Variants in MTSS2 observed in about 807,000 individuals in gnomAD.
MTSS2 encodes protein MTSS 2.
Under a neutral mutation model 67.1 loss-of-function variants are expected in MTSS2, and 27 were observed. That is an observed-to-expected ratio of 0.40 (90% confidence interval 0.30 to 0.55). The LOEUF is 0.55. Among genes scored for constraint, MTSS2 ranks in the 20% least tolerant of loss-of-function variants. The probability of loss-of-function intolerance (pLI) is 0.43; values close to 1 mark genes in which losing one functional copy is unlikely to be tolerated. For missense variants in MTSS2, 1,171 were observed against 1,067.8 expected, an observed-to-expected ratio of 1.10 and a Z score of -1.35; for synonymous variants, 624 against 468.6, an observed-to-expected ratio of 1.33 and a Z score of -4.28.
chr16:70,679,023 C>T lies in MTSS2; in HGVS notation c.466+292G>A, dbSNP rs78537221. ...CAGGTGAGGAGGTGACAAGTAAGGA[C>T]GCAGGCCAGCCTGGTGGGGGCGGGG... On this transcript the variant is annotated intron_variant, in intron 7 of 14. Coordinates refer to ENST00000338779, the MANE Select transcript of MTSS2 (RefSeq NM_138383.3). 2.4e-4 allele frequency among the ~76,000 whole-genome samples: 36 copies of T among 152,252 alleles called. No homozygotes were observed. The East Asian group carries it at 6.8e-3, about 29-fold the overall frequency.
At position 70,661,549 on chromosome 16, in the gene MTSS2, C is replaced by A. The variant is rs2052471021; in HGVS notation, c.*2128G>T. Reference sequence around the variant, plus strand: ...ATGAGAAATTAAACGAACGTAAAGTCCCCCAAACCAAAGTTTGTGATGTGG... The same window carrying A: ...ATGAGAAATTAAACGAACGTAAAGTACCCCAAACCAAAGTTTGTGATGTGG... On this transcript the variant is annotated 3_prime_UTR_variant, in exon 15 of 15. Transcript: ENST00000338779. The A allele has an allele frequency of 2.8e-6, 1 of 351,562 alleles. No individual in the cohort carries two copies. The highest frequency in any genetic ancestry group is 5.6e-6 in the Non-Finnish European group (1 of 178,548). 21.8% of individuals were successfully genotyped at this position (351,562 alleles called of 1,614,324 possible).
At position 70,685,872 on chromosome 16, in the gene MTSS2, G is replaced by T. The variant is rs556275712; in HGVS notation, c.-81C>A. ...CGCAAGGGAGGGGGCCAGGCCGCGC[G>T]GGCGCTCGCTCCGAGGCCGGGCCGG... is the stretch of plus-strand genomic sequence containing the variant. On this transcript the variant is annotated 5_prime_UTR_variant, in exon 1 of 15. Transcript: ENST00000338779. The T allele has an allele frequency of 3.8e-3, 3,085 of 819,018 alleles. 9 individuals are homozygous for T. Among genetic ancestry groups the T allele is most frequent in the Non-Finnish European group, 4.0e-3 (2,712 of 670,696 alleles). The allele number at this position is 819,018 out of a possible 1,614,324, so 50.7% of individuals were successfully genotyped here. A position where few individuals can be genotyped will look rare whatever the true frequency, so the allele number is the denominator to read the frequency against.
Position 70,678,236 on chromosome 16 carries a change from T to C in MTSS2, c.624+16A>G. The stretch of plus-strand genomic sequence containing the variant: ...CCAGCCCACCCCTCTGGGGTCTGAG[T>C]CCCCAGGAGTCCCACCACCACAGGC... On this transcript the variant is annotated intron_variant, in intron 8 of 14. Coordinates refer to ENST00000338779, the MANE Select transcript of MTSS2 (RefSeq NM_138383.3). 1 of 1,597,346 alleles carries C rather than the reference T, an allele frequency of 6.3e-7. No homozygotes were observed. Among genetic ancestry groups the C allele is most frequent in the Non-Finnish European group, 8.5e-7 (1 of 1,172,460 alleles).
chr16:70,669,371 T>A (rs746475105), intron 11 of MTSS2, among the ~76,000 whole-genome samples: 1 of 152,198 alleles, frequency 6.6e-6, no homozygotes, highest in Non-Finnish European at 1.5e-5. Flanking sequence ...AAAGGGAATA[T>A]TCTAACGGTC....
intron 10 of MTSS2, 78 bp from the exon 11 acceptor site, chr16:70,674,606 G>A (rs987720054): frequency 8.7e-5 from 113 of 1,300,212 alleles, no homozygotes; most frequent in Admixed American, 1.8e-4. Flanking sequence ...GTTGACAAAC[G>A]AGGGTGGGGA....
chr16:70,665,001 G>A lies in MTSS2; in HGVS notation c.1224C>T (p.Gly408=), dbSNP rs1466120507. 4.1e-5 allele frequency: 65 copies of A among 1,592,926 alleles called. No homozygotes were observed. The highest frequency in any genetic ancestry group is 5.4e-5 in the Non-Finnish European group (64 of 1,177,776). Residue 408 remains glycine, a synonymous_variant, in exon 13 of 15, where the codon GGC becomes GGT. Coordinates refer to ENST00000338779, the MANE Select transcript of MTSS2 (RefSeq NM_138383.3). The part of the protein sequence containing the change: ...RVELLRDTEP[G]PASGGTLGPS... ...GGCCCAGGGTGCCCCCACTGGCAGG[G>A]CCTGGCTCTGTGTCTCGCAGGAGCT...
At chr16:70,684,480 T>C (rs2053395320) in intron 1 of MTSS2, among the ~76,000 whole-genome samples, 1 of 152,182 alleles carries the variant, frequency 6.6e-6, no homozygotes, top group Admixed American at 6.5e-5. Context: ...GGGGCTGTTG[T>C]CCTGGCAGCA....
chr16:70,661,433 A>ATAAAT lies in MTSS2; in HGVS notation c.*2239_*2243dup, dbSNP rs1190136060. The ATAAAT allele has an allele frequency of 4.0e-5, 15 of 373,500 alleles. No homozygotes were observed. The highest frequency in any genetic ancestry group is 7.4e-5 in the Non-Finnish European group (14 of 189,636). The allele number at this position is 373,500 out of a possible 1,614,324, so 23.1% of individuals were successfully genotyped here. A position where few individuals can be genotyped will look rare whatever the true frequency, so the allele number is the denominator to read the frequency against. On this transcript the variant is annotated 3_prime_UTR_variant, in exon 15 of 15. Transcript: ENST00000338779. ...CAGGAGGGCTGCCTGGGGTGGGGGA[A>ATAAAT]TAAATTAAAAAAAGGAACGAGTTAA...
chr16:70,680,906 G>GGT (rs752310417), intron 2 of MTSS2, 39 bp from the exon 3 acceptor site: 24 of 1,517,758 alleles, frequency 1.6e-5, no homozygotes, highest in Admixed American at 1.6e-4. Context: ...TCGGTGGTTG[G>GGT]GCGGGGGGGG....
chr16:70,683,798 G>A (rs1341020937), intron 1 of MTSS2, among the ~76,000 whole-genome samples: 2 of 152,186 alleles, frequency 1.3e-5, no homozygotes, highest in Non-Finnish European at 2.9e-5. Context: ...AGGCCCTGCT[G>A]CTCAGGCCAC....
Position 70,674,356 on chromosome 16 carries a change from C to G in MTSS2, c.1003G>C (p.Ala335Pro). ...GGCGAGGGGGGCTTGGAGTAGGTGGCGTCCTGGGAGACGAAGCCAGAGTCA... is the reference window on the plus strand; with the variant it reads ...GGCGAGGGGGGCTTGGAGTAGGTGGGGTCCTGGGAGACGAAGCCAGAGTCA... ...SHDSGFVSQD[A>P]TYSKPPSPMP... Residue 335 changes from alanine (A) to proline (P), a missense_variant, in exon 11 of 15, where the codon GCC becomes CCC. By Grantham distance (27) the Ala-to-Pro change is conservative. Coordinates refer to ENST00000338779, the MANE Select transcript of MTSS2 (RefSeq NM_138383.3). The G allele has an allele frequency of 6.2e-7, 1 of 1,614,088 alleles. No individual in the cohort carries two copies. Among genetic ancestry groups the G allele is most frequent in the Non-Finnish European group, 8.5e-7 (1 of 1,180,022 alleles).
Position 70,663,825 on chromosome 16 carries a change from A to G in MTSS2, c.2096T>C (p.Leu699Pro), listed in dbSNP as rs777710168. 1 of 1,507,488 alleles carries G rather than the reference A, an allele frequency of 6.6e-7. No homozygotes were observed. Among genetic ancestry groups the G allele is most frequent in the Non-Finnish European group, 8.9e-7 (1 of 1,127,982 alleles). 93.4% of individuals were successfully genotyped at this position (1,507,488 alleles called of 1,614,324 possible). The change falls in exon 15 of 15, where the codon CTG becomes CCG. Residue 699 changes from leucine to proline, a missense_variant. By Grantham distance (98) the Leu-to-Pro change is moderately conservative. This residue lies in a region of MTSS2 where 924 missense variants were observed against 756.0 expected (regional missense o/e 1.22). Transcript: ENST00000338779. ...GEGQFPFPTALSATPTEETPT... is the reference protein window; with the variant it reads ...GEGQFPFPTAPSATPTEETPT... The stretch of plus-strand genomic sequence containing the variant: ...CGTCTCCTCCGTGGGGGTGGCCGAC[A>G]GAGCAGTGGGGAAGGGGAACTGGCC...
At chr16:70,664,555 A>C in intron 14 of MTSS2, 43 bp downstream of exon 14, 1 of 1,600,282 alleles carries the variant, frequency 6.2e-7, no homozygotes, top group Non-Finnish European at 8.5e-7. Flanking sequence ...TGGATGGCTA[A>C]GTCCCAGCTG....
rs1280399929 is a variant in MTSS2, at chr16:70,662,711, CCT to C, written c.*964_*965del. ...CCCAGACACACACCCTGTATCGTCC[CCT>C]CTCCCCCACACTTAGTCCTCGTCCA... On this transcript the variant is annotated 3_prime_UTR_variant, in exon 15 of 15. Transcript: ENST00000338779. 1.3e-5 allele frequency: 2 copies of C among 152,656 alleles called. No individual in the cohort carries two copies. Among genetic ancestry groups the C allele is most frequent in the South Asian group, 2.1e-4 (1 of 4,822 alleles). The allele number at this position is 152,656 out of a possible 1,614,324, so 9.5% of individuals were successfully genotyped here. A position where few individuals can be genotyped will look rare whatever the true frequency, so the allele number is the denominator to read the frequency against.
rs2052502469 is a variant in MTSS2 at position 70,662,142 on chromosome 16, G to C, written c.*1535C>G. The C allele has an allele frequency of 6.6e-6, 1 of 152,168 alleles. No homozygotes were observed. Among genetic ancestry groups the C allele is most frequent in the Non-Finnish European group, 1.5e-5 (1 of 68,120 alleles). The allele number at this position is 152,168 out of a possible 1,614,324, so 9.4% of individuals were successfully genotyped here. On this transcript the variant is annotated 3_prime_UTR_variant, in exon 15 of 15. Transcript: ENST00000338779. ...AGGAGCTGCCCAGCTCACCGCACAA[G>C]AACTCCCAGGAGCTCAAGCCTGGGA...
At position 70,674,408 on chromosome 16, in the gene MTSS2, G is replaced by T. The variant is rs142750803; in HGVS notation, c.951C>A (p.Thr317=). 1 of 1,614,196 alleles carries T rather than the reference G, an allele frequency of 6.2e-7. No individual in the cohort carries two copies. Among genetic ancestry groups the T allele is most frequent in the East Asian group, 2.2e-5 (1 of 44,882 alleles). The change falls in exon 11 of 15, where the codon ACC becomes ACA. Residue 317 remains threonine (T), a synonymous_variant. Coordinates refer to ENST00000338779, the MANE Select transcript of MTSS2 (RefSeq NM_138383.3). ...GGGAGGAAACGCTGGAGAGGCGAGC[G>T]GTGGTGGTGGCTGGCTGCGCCAGGC... is the stretch of plus-strand genomic sequence containing the variant. ...YRSLAQPATT[T]ARLSSVSSHD...
chr16:70,667,581 C>T (rs184622416), intron 11 of MTSS2, among the ~76,000 whole-genome samples: 1 of 152,036 alleles, frequency 6.6e-6, no homozygotes, highest in East Asian at 1.9e-4. Context: ...TACACAAAAA[C>T]TACAGAACAA....
At chr16:70,675,336 T>C (rs2053081804) in intron 10 of MTSS2, among the ~76,000 whole-genome samples, 2 of 151,734 alleles carry the variant, frequency 1.3e-5, no homozygotes, top group South Asian at 4.2e-4. Context: ...GGCAGGAGAA[T>C]CGCTTGAACC....
chr16:70,684,019 T>C (rs1481858925), intron 1 of MTSS2, among the ~76,000 whole-genome samples: 1 of 152,242 alleles, frequency 6.6e-6, no homozygotes, highest in Non-Finnish European at 1.5e-5. Flanking sequence ...CTTGAACCTC[T>C]TGCTATGATC....
Sources: gnomAD v4.1 joint callset for allele counts (sites outside exome capture counted in the v4.1 genomes callset) on GRCh38, gnomAD v4.1.1 for gene constraint, gnomAD v4.1.1 regional missense constraint, MANE v1.5 for transcripts, NCBI Gene and HGNC (gene_info 2026-07-23, HGNC 2026-07-21) for gene names.